Variants in ATXN7L1 observed in about 807,000 individuals in gnomAD.
The protein encoded by ATXN7L1 is ataxin-7-like protein 1.
ATXN7L1 carries 15 observed loss-of-function variants against 70.8 expected under a neutral mutation model. The observed-to-expected ratio is 0.21, with a 90% confidence interval of 0.14 to 0.33. The LOEUF (loss-of-function observed/expected upper bound fraction) is 0.33, where lower values mean the gene tolerates loss of function less well. ATXN7L1 is among the 10% of genes least tolerant of loss of function. The pLI is 1.00. For synonymous variants in ATXN7L1, 440 were observed against 445.1 expected (o/e 0.99, Z 0.14); for missense variants, 975 against 1,097.1 (o/e 0.89, Z 1.57).
intron 3 of ATXN7L1, among the ~76,000 whole-genome samples, chr7:105,713,447 A>C (rs1165327319): frequency 6.6e-6 from 1 of 152,232 alleles, no homozygotes; most frequent in African/African-American, 2.4e-5. Context: ...TGCAGGAATA[A>C]TGTGGGTGGA....
intron 3 of ATXN7L1, among the ~76,000 whole-genome samples, chr7:105,768,201 T>C (rs1403228494): frequency 1.3e-5 from 2 of 152,210 alleles, no homozygotes; most frequent in Non-Finnish European, 2.9e-5. Flanking sequence ...CAGTGAGGTA[T>C]AATTATAGCA....
intron 3 of ATXN7L1, among the ~76,000 whole-genome samples, chr7:105,684,090 C>T (rs1805877833): frequency 1.3e-5 from 2 of 152,152 alleles, no homozygotes; most frequent in Non-Finnish European, 2.9e-5. Flanking sequence ...GCCAGATAAG[C>T]GGTGAGCCAG....
At chr7:105,810,898 T>C (rs891876205) in intron 2 of ATXN7L1, among the ~76,000 whole-genome samples, 3 of 152,134 alleles carry the variant, frequency 2.0e-5, no homozygotes, top group Non-Finnish European at 2.9e-5. Context: ...AAGCAGTTGG[T>C]TTTGAACCTA....
intron 4 of ATXN7L1, among the ~76,000 whole-genome samples, chr7:105,664,230 G>A (rs1802160279): frequency 6.6e-6 from 1 of 151,886 alleles, no homozygotes; most frequent in Non-Finnish European, 1.5e-5. Flanking sequence ...TAGGGCCGTG[G>A]TCTTGCTCCA....
At chr7:105,874,863 G>A (rs1337105183) in intron 2 of ATXN7L1, among the ~76,000 whole-genome samples, 1 of 152,118 alleles carries the variant, frequency 6.6e-6, no homozygotes, top group Non-Finnish European at 1.5e-5. Flanking sequence ...ATTCATTTGG[G>A]ATGACCAATG....
Position 105,632,698 on chromosome 7 carries a change from T to C in ATXN7L1, c.1202+5655A>G, listed in dbSNP as rs113883568. On this transcript the variant is annotated intron_variant, in intron 7 of 11. Transcript: ENST00000419735. Reference sequence around the variant, plus strand: ...AGCACTTTGGGAGGCTGAGGGCAGGTTGCTTGAGCCCAGATGTTCAAGATC... The same window carrying C: ...AGCACTTTGGGAGGCTGAGGGCAGGCTGCTTGAGCCCAGATGTTCAAGATC... 4.6e-3 allele frequency among the ~76,000 whole-genome samples: 694 copies of C among 151,920 alleles called. 5 individuals are homozygous for C. The highest frequency in any genetic ancestry group is 0.016 in the African/African-American group (666 of 41,428).
chr7:105,786,738 C>T (rs1356679784), intron 3 of ATXN7L1, among the ~76,000 whole-genome samples: 1 of 152,032 alleles, frequency 6.6e-6, no homozygotes, highest in Non-Finnish European at 1.5e-5. Flanking sequence ...TGGTCTCAAA[C>T]TCTTGGCCTC....
At chr7:105,817,079 T>G (rs1340017398) in intron 2 of ATXN7L1, among the ~76,000 whole-genome samples, 1 of 152,244 alleles carries the variant, frequency 6.6e-6, no homozygotes, top group African/African-American at 2.4e-5. Flanking sequence ...TACTGGTGTT[T>G]ACTCTCTCAT....
At chr7:105,634,922 A>G (rs1156682588) in intron 7 of ATXN7L1, among the ~76,000 whole-genome samples, 6 of 151,564 alleles carry the variant, frequency 4.0e-5, no homozygotes, top group Admixed American at 3.3e-4. Context: ...TCTACAGGAA[A>G]AAAAAAAAAA....
chr7:105,852,868 C>T (rs1195003779), intron 2 of ATXN7L1, among the ~76,000 whole-genome samples: 2 of 151,938 alleles, frequency 1.3e-5, no homozygotes, highest in African/African-American at 4.8e-5. Flanking sequence ...ATTATTTAAC[C>T]TTTGAAAGGA....
chr7:105,713,466 G>C (rs1447071809), intron 3 of ATXN7L1, among the ~76,000 whole-genome samples: 1 of 152,254 alleles, frequency 6.6e-6, no homozygotes, highest in Non-Finnish European at 1.5e-5. Context: ...GAGTGGCCCA[G>C]GCTACTGCAG....
In ATXN7L1 at chr7:105,678,100, T is replaced by C. The variant is rs567585870; in HGVS notation, c.356-12812A>G. 4.8e-6 allele frequency: 4 copies of C among 829,332 alleles called. No homozygotes were observed. In the Admixed American group the frequency reaches 2.5e-4, roughly 52 times the overall value. The allele number at this position is 829,332 out of a possible 1,614,324, so 51.4% of individuals were successfully genotyped here. ...ATGCGTACAGACACATACTTTTTTT[T>C]TTTTTTTTTCCTTTCTGGCCCCCTT... On this transcript the variant is annotated intron_variant, in intron 3 of 11. Transcript: ENST00000419735.
At chr7:105,690,297 G>T (rs141767482) in intron 3 of ATXN7L1, among the ~76,000 whole-genome samples, 2 of 152,082 alleles carry the variant, frequency 1.3e-5, no homozygotes, top group Non-Finnish European at 2.9e-5. Flanking sequence ...GAGCCACCGC[G>T]CCCAGCAAAA....
intron 11 of ATXN7L1, among the ~76,000 whole-genome samples, chr7:105,610,007 G>C (rs936971545): frequency 2.6e-5 from 4 of 152,008 alleles, no homozygotes; most frequent in Admixed American, 2.0e-4. Flanking sequence ...TCCTGACCTT[G>C]TGATCTACCT....
intron 2 of ATXN7L1, among the ~76,000 whole-genome samples, chr7:105,837,614 G>T (rs1190625154): frequency 6.6e-6 from 1 of 152,194 alleles, no homozygotes; most frequent in African/African-American, 2.4e-5. Flanking sequence ...ACTTGGCATA[G>T]ATGTATCATC....
At chr7:105,816,528 G>A (rs188804351) in intron 2 of ATXN7L1, among the ~76,000 whole-genome samples, 80 of 152,266 alleles carry the variant, frequency 5.3e-4, no homozygotes, top group Non-Finnish European at 6.5e-4. Flanking sequence ...TGTGATTTTC[G>A]TGCTGCTGAA....
chr7:105,764,725 G>C (rs997063940), intron 3 of ATXN7L1, among the ~76,000 whole-genome samples: 1 of 152,144 alleles, frequency 6.6e-6, no homozygotes. Flanking sequence ...GGAATCTGAA[G>C]ACATAATCCA....
intron 3 of ATXN7L1, among the ~76,000 whole-genome samples, chr7:105,727,777 T>TATATATATATACACAC (rs1462125950): frequency 8.9e-5 from 8 of 90,198 alleles, no homozygotes; most frequent in South Asian, 3.9e-4. Context: ...TATATATATA[T>TATATATATATACACAC]ACACACACAT....
At chr7:105,807,504 A>G (rs1807791094) in intron 2 of ATXN7L1, among the ~76,000 whole-genome samples, 1 of 152,168 alleles carries the variant, frequency 6.6e-6, no homozygotes, top group Non-Finnish European at 1.5e-5. Context: ...ATGGCCCCCC[A>G]GTTGTTTATA....
Sources: gnomAD v4.1 joint callset for allele counts (sites outside exome capture counted in the v4.1 genomes callset) on GRCh38, gnomAD v4.1.1 for gene constraint, MANE v1.5 for transcripts, NCBI Gene and HGNC (gene_info 2026-07-23, HGNC 2026-07-21) for gene names.